The following NUDCD1 variants were observed in gnomAD, a reference collection of about 807,000 sequenced individuals.
NUDCD1 encodes nudC domain-containing protein 1.
NUDCD1 carries 60 observed loss-of-function variants against 67.8 expected under a neutral mutation model. The ratio of observed to expected loss-of-function variants is 0.88; its 90% CI spans 0.72 to 1.10. The LOEUF (loss-of-function observed/expected upper bound fraction) is 1.10. Among genes scored for constraint, NUDCD1 ranks in the 50% least tolerant of loss-of-function variants. The pLI is 0.00. For synonymous variants in NUDCD1, 244 were observed against 230.8 expected (o/e 1.06, Z -0.52); for missense variants, 643 against 695.0 (o/e 0.93, Z 0.84).
intron 8 of NUDCD1, among the ~76,000 whole-genome samples, chr8:109,254,111 C>G (rs921506725): frequency 6.6e-6 from 1 of 152,180 alleles, no homozygotes; most frequent in Non-Finnish European, 1.5e-5. Flanking sequence ...AAGAGAAGGA[C>G]TGTGGCTTTG....
At chr8:109,257,225 T>C (rs373973918) in intron 8 of NUDCD1, among the ~76,000 whole-genome samples, 1 of 152,140 alleles carries the variant, frequency 6.6e-6, no homozygotes, top group Non-Finnish European at 1.5e-5. Flanking sequence ...TATTCACAGA[T>C]ACTACCCTGT....
chr8:109,270,631 T>C (rs183665862), intron 8 of NUDCD1, among the ~76,000 whole-genome samples: 145 of 152,216 alleles, frequency 9.5e-4, no homozygotes, highest in Admixed American at 3.5e-3. Context: ...AACCACTACA[T>C]GCAGACATGA....
At chr8:109,243,908 A>AT (rs773377319) in intron 9 of NUDCD1, among the ~76,000 whole-genome samples, 7 of 152,156 alleles carry the variant, frequency 4.6e-5, no homozygotes, top group Non-Finnish European at 8.8e-5. Flanking sequence ...GTTGATCACT[A>AT]TAACTTCAAA....
At chr8:109,275,953 G>A (rs1050166629) in intron 6 of NUDCD1, among the ~76,000 whole-genome samples, 7 of 152,002 alleles carry the variant, frequency 4.6e-5, no homozygotes, top group African/African-American at 1.7e-4. Context: ...CACAAACTAA[G>A]AGCCATAATA....
intron 9 of NUDCD1, among the ~76,000 whole-genome samples, chr8:109,243,780 T>C (rs1031570485): frequency 3.9e-5 from 6 of 152,172 alleles, no homozygotes; most frequent in Admixed American, 1.3e-4. Context: ...TATCCCTGAA[T>C]GTACTAGTAT....
chr8:109,265,589 T>C (rs1193182765), intron 8 of NUDCD1, among the ~76,000 whole-genome samples: 1 of 152,198 alleles, frequency 6.6e-6, no homozygotes. Context: ...ATTTAAAAGT[T>C]ACAAATATTA....
rs531673320 is a variant in NUDCD1 at position 109,305,466 on chromosome 8, T to C, written c.274-8897A>G. Among the ~76,000 whole-genome samples, 4 of 152,294 alleles carry C rather than the reference T, an allele frequency of 2.6e-5. No individual in the cohort carries two copies. The East Asian group carries it at 5.8e-4, about 22-fold the overall frequency. On this transcript the variant is annotated intron_variant, in intron 2 of 9. Coordinates refer to ENST00000239690, the MANE Select transcript of NUDCD1 (RefSeq NM_032869.4). Reference sequence around the variant, plus strand: ...CTTCAGGAAAAGTAGAACGGACTAATGGTCTTTTAAAGACACACCTCACCA... The same window carrying C: ...CTTCAGGAAAAGTAGAACGGACTAACGGTCTTTTAAAGACACACCTCACCA...
intron 1 of NUDCD1, among the ~76,000 whole-genome samples, chr8:109,332,627 A>G (rs1437512214): frequency 6.6e-6 from 1 of 152,168 alleles, no homozygotes; most frequent in African/African-American, 2.4e-5. Flanking sequence ...GACTAGAAGA[A>G]CCACTCAGCT....
chr8:109,279,821 G>A (rs1215827288), intron 6 of NUDCD1, among the ~76,000 whole-genome samples: 6 of 151,844 alleles, frequency 4.0e-5, no homozygotes, highest in South Asian at 4.2e-4. Context: ...TAGTTGAGAC[G>A]GGGTTTCACC....
intron 6 of NUDCD1, among the ~76,000 whole-genome samples, chr8:109,278,305 T>C (rs1814345139): frequency 2.0e-5 from 3 of 152,176 alleles, no homozygotes; most frequent in African/African-American, 7.2e-5. Context: ...GGGAAAAAAC[T>C]GCCTGGAATA....
At position 109,322,310 on chromosome 8, in the gene NUDCD1, A is replaced by G; in HGVS notation, c.272T>C (p.Leu91Pro). The change falls in exon 2 of 10, where the codon CTG (leucine) becomes CCG (proline). Residue 91 changes from leucine to proline, a missense_variant and splice_region_variant. Coordinates refer to ENST00000239690, the MANE Select transcript of NUDCD1 (RefSeq NM_032869.4). ...LGRIMNLTVMLDTALGKPREV... is the reference protein window; with the variant it reads ...LGRIMNLTVMPDTALGKPREV... ...TTATTACATACATGTTTCTCTTACC[A>G]GCATTACTGTTAAATTCATAATTCT... 6.7e-7 allele frequency: 1 copy of G among 1,492,082 alleles called. No homozygotes were observed. The highest frequency in any genetic ancestry group is 9.2e-7 in the Non-Finnish European group (1 of 1,081,750). 92.4% of individuals were successfully genotyped at this position (1,492,082 alleles called of 1,614,324 possible).
chr8:109,253,579 A>T (rs915652700), intron 8 of NUDCD1, among the ~76,000 whole-genome samples: 1 of 152,196 alleles, frequency 6.6e-6, no homozygotes, highest in Admixed American at 6.5e-5. Context: ...ATATATGCTC[A>T]CATCATGACT....
intron 9 of NUDCD1, among the ~76,000 whole-genome samples, chr8:109,244,915 T>G (rs1813458619): frequency 6.6e-6 from 1 of 152,212 alleles, no homozygotes; most frequent in African/African-American, 2.4e-5. Context: ...TCTCCTAATG[T>G]GCATTACACC....
chr8:109,282,273 G>C (rs867428934), intron 5 of NUDCD1, among the ~76,000 whole-genome samples: 1 of 152,092 alleles, frequency 6.6e-6, no homozygotes, highest in African/African-American at 2.4e-5. Context: ...AGTAAACAAG[G>C]ATTAAGTATA....
chr8:109,295,962 C>T (rs984732676), intron 3 of NUDCD1, among the ~76,000 whole-genome samples: 1 of 151,972 alleles, frequency 6.6e-6, no homozygotes, highest in Non-Finnish European at 1.5e-5. Context: ...ATGTATTTTT[C>T]TAAGTAGAGA....
intron 1 of NUDCD1, among the ~76,000 whole-genome samples, chr8:109,326,350 T>A (rs539683669): frequency 1.3e-5 from 2 of 152,318 alleles, no homozygotes; most frequent in East Asian, 3.9e-4. Flanking sequence ...GGAAAAGTTA[T>A]CACATGATGA....
At chr8:109,273,672 T>C (rs1030502665) in intron 7 of NUDCD1, among the ~76,000 whole-genome samples, 2 of 152,104 alleles carry the variant, frequency 1.3e-5, no homozygotes, top group East Asian at 1.9e-4. Flanking sequence ...TAAGGCACCA[T>C]AGTTAAGTGC....
chr8:109,244,812 C>T (rs1015035005), intron 9 of NUDCD1, among the ~76,000 whole-genome samples: 10 of 151,974 alleles, frequency 6.6e-5, no homozygotes, highest in Non-Finnish European at 1.2e-4. Context: ...TCCTTTTATC[C>T]TACCAAATAA....
intron 1 of NUDCD1, among the ~76,000 whole-genome samples, chr8:109,333,455 A>C (rs1443694338): frequency 1.3e-5 from 2 of 152,216 alleles, no homozygotes; most frequent in Non-Finnish European, 2.9e-5. Context: ...CTCTTCTAAG[A>C]AACGGCTCTC....
Sources: gnomAD v4.1 joint callset for allele counts (sites outside exome capture counted in the v4.1 genomes callset) on GRCh38, gnomAD v4.1.1 for gene constraint, MANE v1.5 for transcripts, NCBI Gene and HGNC (gene_info 2026-07-23, HGNC 2026-07-21) for gene names.